The following MACO1 variants were observed in gnomAD, a reference collection of about 807,000 sequenced individuals.
The protein encoded by MACO1 is macoilin.
In MACO1, 14 loss-of-function variants were observed where a neutral mutation model predicts 78.7. The ratio of observed to expected loss-of-function variants is 0.18; its 90% CI spans 0.12 to 0.28. The LOEUF (loss-of-function observed/expected upper bound fraction) is 0.28. MACO1 is among the 10% of genes least tolerant of loss of function. The pLI, the probability that MACO1 is intolerant of heterozygous loss-of-function variation, is 1.00. For synonymous variants in MACO1, 288 were observed against 291.6 expected, an observed-to-expected ratio of 0.99 and a Z score of 0.12; for missense variants, 501 against 799.0, an observed-to-expected ratio of 0.63 and a Z score of 4.50.
chr1:25,498,482 T>G lies in MACO1; in HGVS notation c.*16T>G. The G allele has an allele frequency of 6.4e-7, 1 of 1,573,044 alleles. No homozygotes were observed. Among genetic ancestry groups the G allele is most frequent in the Admixed American group, 2.0e-5 (1 of 50,116 alleles). On this transcript the variant is annotated 3_prime_UTR_variant, in exon 11 of 11. Coordinates refer to ENST00000374343, the MANE Select transcript of MACO1 (RefSeq NM_018202.6). ...GAAGAAATGAAGGCCAGCTGTGTGT[T>G]GTGCCCAAAAATTTGGTTACCGGAA...
chr1:25,431,249 C>T (rs1468081073), intron 1 of MACO1, 71 bp downstream of exon 1: 2 of 1,276,814 alleles, frequency 1.6e-6, no homozygotes, highest in Non-Finnish European at 2.2e-6. Context: ...GGGCCTGGCC[C>T]CGTTATGTAA....
intron 6 of MACO1, among the ~76,000 whole-genome samples, chr1:25,460,739 C>A (rs1434180670): frequency 1.3e-5 from 2 of 152,048 alleles, no homozygotes; most frequent in Non-Finnish European, 2.9e-5. Flanking sequence ...GCTAATTGTC[C>A]AGTAAGCTGG....
chr1:25,462,582 A>G (rs1024229525), intron 6 of MACO1, among the ~76,000 whole-genome samples: 1 of 152,222 alleles, frequency 6.6e-6, no homozygotes, highest in African/African-American at 2.4e-5. Context: ...TTAACTAACC[A>G]GTAACTCTAC....
intron 4 of MACO1, among the ~76,000 whole-genome samples, chr1:25,456,284 A>G (rs1036137541): frequency 2.0e-5 from 3 of 151,642 alleles, no homozygotes; most frequent in East Asian, 1.9e-4. Flanking sequence ...GGGTACAGGT[A>G]TCTGCCTAAG....
intron 3 of MACO1, among the ~76,000 whole-genome samples, chr1:25,453,679 A>AG (rs1189228971): frequency 1.3e-5 from 2 of 151,444 alleles, no homozygotes; most frequent in Admixed American, 6.6e-5. Context: ...AAAAAAAAAA[A>AG]AAGAAGTGGA....
intron 6 of MACO1, 147 bp from the exon 7 acceptor site, chr1:25,483,969 G>A: frequency 1.4e-6 from 1 of 719,364 alleles, no homozygotes; most frequent in Non-Finnish European, 2.2e-6. Flanking sequence ...TAACCCAGTT[G>A]CAGACAGGAG....
intron 1 of MACO1, among the ~76,000 whole-genome samples, chr1:25,446,128 G>GT (rs1266491023): frequency 6.6e-6 from 1 of 152,144 alleles, no homozygotes; most frequent in Non-Finnish European, 1.5e-5. Context: ...TGTTTAAGGA[G>GT]TTTTTTCTTT....
chr1:25,462,121 G>C (rs1407535597), intron 6 of MACO1, among the ~76,000 whole-genome samples: 5 of 152,156 alleles, frequency 3.3e-5, no homozygotes, highest in African/African-American at 1.2e-4. Context: ...TTGTTATCCA[G>C]ATGGAGCAGC....
intron 1 of MACO1, among the ~76,000 whole-genome samples, chr1:25,445,804 C>T (rs574148405): frequency 5.9e-5 from 9 of 151,896 alleles, no homozygotes; most frequent in Non-Finnish European, 1.2e-4. Context: ...TAGGTATTTC[C>T]ATTTTGTATA....
At chr1:25,478,709 C>G (rs1462370679) in intron 6 of MACO1, among the ~76,000 whole-genome samples, 1 of 152,294 alleles carries the variant, frequency 6.6e-6, no homozygotes, top group East Asian at 1.9e-4. Context: ...GAAAAGTTGC[C>G]TGGACCTGAT....
At chr1:25,498,124 G>C (rs544248352) in intron 10 of MACO1, 140 bp from the exon 11 acceptor site, 2 of 740,130 alleles carry the variant, frequency 2.7e-6, no homozygotes, top group South Asian at 3.6e-5. Flanking sequence ...TCCCATTACA[G>C]GACAAGTTTG....
At chr1:25,464,625 G>A (rs193231018) in intron 6 of MACO1, among the ~76,000 whole-genome samples, 10 of 144,438 alleles carry the variant, frequency 6.9e-5, no homozygotes, top group East Asian at 2.1e-4. Context: ...GATTACAGGC[G>A]TGAGTCACCG....
intron 1 of MACO1, among the ~76,000 whole-genome samples, chr1:25,436,763 A>T (rs965980864): frequency 6.6e-6 from 1 of 152,188 alleles, no homozygotes. Flanking sequence ...ACCGACATCA[A>T]ATTGTCTCAG....
At chr1:25,447,137 G>C (rs935783151) in intron 2 of MACO1, among the ~76,000 whole-genome samples, 3 of 152,016 alleles carry the variant, frequency 2.0e-5, no homozygotes, top group African/African-American at 7.3e-5. Flanking sequence ...CAGGCTTTTG[G>C]AGGGCGGCAA....
At position 25,456,772 on chromosome 1, in the gene MACO1, A is replaced by G. The variant is rs1392579333; in HGVS notation, c.593A>G (p.Gln198Arg). The G allele has an allele frequency of 4.3e-6, 7 of 1,613,922 alleles. No homozygotes were observed. The highest frequency in any genetic ancestry group is 1.3e-5 in the African/African-American group (1 of 74,942). Residue 198 changes from glutamine (Q) to arginine (R), a missense_variant, in exon 5 of 11, where the codon CAA becomes CGA. This residue lies in a region of MACO1 where 171 missense variants were observed against 292.1 expected (regional missense o/e 0.59). Transcript: ENST00000374343. Reference protein sequence around the residue: ...KENEFYMQLLQQALPPEQQML... With the variant: ...KENEFYMQLLRQALPPEQQML... ...AACGAGTTTTACATGCAACTTCTTC[A>G]ACAAGCTCTCCCTCCAGAGCAACAG... is the stretch of plus-strand genomic sequence containing the variant.
Position 25,488,349 on chromosome 1 carries a change from C to T in MACO1, c.1497-824C>T, listed in dbSNP as rs116047606. ...ACGGGCATGAGCCACCATGCCCAGC[C>T]CAGTTATTTTAGAGTATTATTGAAA... is the stretch of plus-strand genomic sequence containing the variant. On this transcript the variant is annotated intron_variant, in intron 8 of 10. Transcript: ENST00000374343. Among the ~76,000 whole-genome samples the T allele has an allele frequency of 9.2e-3, 1,405 of 152,160 alleles. 20 individuals are homozygous for T. Among genetic ancestry groups the T allele is most frequent in the African/African-American group, 0.031 (1,286 of 41,494 alleles).
chr1:25,470,259 A>C (rs1162281458), intron 6 of MACO1, among the ~76,000 whole-genome samples: 1 of 152,162 alleles, frequency 6.6e-6, no homozygotes, highest in Non-Finnish European at 1.5e-5. Context: ...CTATCTTTCT[A>C]TCATTCTTTA....
chr1:25,455,172 T>C (rs919817618), intron 4 of MACO1, among the ~76,000 whole-genome samples: 2 of 152,254 alleles, frequency 1.3e-5, no homozygotes, highest in Non-Finnish European at 1.5e-5. Context: ...TAATTTAGAA[T>C]TTCCTTAGCC....
At position 25,475,636 on chromosome 1, in the gene MACO1, T is replaced by C. The variant is rs115396230; in HGVS notation, c.1155-8480T>C. 9.2e-3 allele frequency among the ~76,000 whole-genome samples: 1,406 copies of C among 152,136 alleles called. 19 individuals are homozygous for C. The highest frequency in any genetic ancestry group is 0.031 in the African/African-American group (1,287 of 41,554). On this transcript the variant is annotated intron_variant, in intron 6 of 10. Coordinates refer to ENST00000374343, the MANE Select transcript of MACO1 (RefSeq NM_018202.6). ...GTTGTTCTGAAACTGCCCTGTTACA[T>C]GGGCAAATCTGAGAGTGTCAGTGAA...
Sources: gnomAD v4.1 joint callset for allele counts (sites outside exome capture counted in the v4.1 genomes callset) on GRCh38, gnomAD v4.1.1 for gene constraint, gnomAD v4.1.1 regional missense constraint, MANE v1.5 for transcripts, NCBI Gene and HGNC (gene_info 2026-07-23, HGNC 2026-07-21) for gene names.